The following GLI2 variants were observed in gnomAD, a reference collection of about 807,000 sequenced individuals.
The protein encoded by GLI2 is GLI family zinc finger 2.
Under a neutral mutation model 78.9 loss-of-function variants are expected in GLI2, and 22 were observed. The ratio of observed to expected loss-of-function variants is 0.28; its 90% confidence interval spans 0.20 to 0.40. The LOEUF is 0.40. GLI2 is among the 10% of genes least tolerant of loss of function. The pLI is 1.00. For missense variants in GLI2, 2,097 were observed against 2,213.2 expected, an observed-to-expected ratio of 0.95 and a Z score of 1.05; for synonymous variants, 974 against 963.7, an observed-to-expected ratio of 1.01 and a Z score of -0.20.
chr2:120,869,938 T>G (rs1350583112), intron 2 of GLI2, among the ~76,000 whole-genome samples: 1 of 152,150 alleles, frequency 6.6e-6, no homozygotes, highest in Non-Finnish European at 1.5e-5. Flanking sequence ...GCTGCAGAGC[T>G]CTCACCAGTA....
At chr2:120,987,886 A>G (rs904971889) in intron 13 of GLI2, among the ~76,000 whole-genome samples, 1 of 152,216 alleles carries the variant, frequency 6.6e-6, no homozygotes, top group Non-Finnish European at 1.5e-5. Flanking sequence ...CTTAGCAATA[A>G]GTGCCACCAT....
At chr2:120,906,473 G>A (rs920038326) in intron 2 of GLI2, among the ~76,000 whole-genome samples, 1 of 152,102 alleles carries the variant, frequency 6.6e-6, no homozygotes, top group Non-Finnish European at 1.5e-5. Flanking sequence ...AAGGGGCCAG[G>A]TGAGCACCGG....
At chr2:120,818,151 G>A (rs1685590390) in intron 2 of GLI2, among the ~76,000 whole-genome samples, 1 of 152,210 alleles carries the variant, frequency 6.6e-6, no homozygotes, top group Non-Finnish European at 1.5e-5. Flanking sequence ...GCAGAGAGGT[G>A]GTGGGAGGAG....
intron 3 of GLI2, among the ~76,000 whole-genome samples, chr2:120,935,705 T>C (rs1680165109): frequency 6.6e-6 from 1 of 152,172 alleles, no homozygotes; most frequent in Admixed American, 6.5e-5. Context: ...TACTGGGCAT[T>C]TTGACCCCCC....
At chr2:120,823,096 C>T (rs1007787983) in intron 2 of GLI2, among the ~76,000 whole-genome samples, 1 of 152,100 alleles carries the variant, frequency 6.6e-6, no homozygotes, top group South Asian at 2.1e-4. Context: ...CGCCACCCGG[C>T]TGTGTGTTTC....
At chr2:120,933,372 C>G (rs17005419) in intron 3 of GLI2, among the ~76,000 whole-genome samples, 5,512 of 152,256 alleles carry the variant, frequency 0.036, 300 homozygotes, top group African/African-American at 0.12. Context: ...TGTCTTTGGG[C>G]TGTGCAAACC....
At chr2:120,766,877 C>A (rs1170350660) in intron 1 of GLI2, among the ~76,000 whole-genome samples, 2 of 152,130 alleles carry the variant, frequency 1.3e-5, no homozygotes, top group Non-Finnish European at 2.9e-5. Context: ...GTACTTAGGG[C>A]AGTTCGCTAT....
chr2:120,769,536 C>T (rs1319351884), intron 1 of GLI2, among the ~76,000 whole-genome samples: 1 of 152,196 alleles, frequency 6.6e-6, no homozygotes, highest in Admixed American at 6.5e-5. Context: ...TCCATGCTCA[C>T]CCTAGGTGAC....
intron 3 of GLI2, among the ~76,000 whole-genome samples, chr2:120,937,218 G>A (rs1035144989): frequency 1.3e-5 from 2 of 152,174 alleles, no homozygotes; most frequent in Non-Finnish European, 2.9e-5. Context: ...CTGGGGATAC[G>A]GGCCCAAGGA....
chr2:120,978,019 G>C (rs1426426960), intron 9 of GLI2, among the ~76,000 whole-genome samples: 1 of 152,226 alleles, frequency 6.6e-6, no homozygotes, highest in Non-Finnish European at 1.5e-5. Flanking sequence ...GCCTCGCTGC[G>C]GTTAGTGCCT....
chr2:120,887,734 G>A (rs1270736915), intron 2 of GLI2, among the ~76,000 whole-genome samples: 2 of 152,234 alleles, frequency 1.3e-5, no homozygotes, highest in African/African-American at 2.4e-5. Context: ...TCACTTGATG[G>A]ATTGTCAGGG....
chr2:120,986,160 C>T (rs1458373878), intron 12 of GLI2, 118 bp from the exon 13 acceptor site: 1 of 874,768 alleles, frequency 1.1e-6, no homozygotes, highest in Non-Finnish European at 1.9e-6. Flanking sequence ...CAGCTTCCTT[C>T]CCTCACCCTC....
At chr2:120,835,189 T>G (rs531196046) in intron 2 of GLI2, among the ~76,000 whole-genome samples, 6 of 152,158 alleles carry the variant, frequency 3.9e-5, no homozygotes, top group Non-Finnish European at 7.3e-5. Context: ...ATTGCTGTAC[T>G]CATTTGATAG....
chr2:120,820,129 A>T (rs1558814663), intron 2 of GLI2, among the ~76,000 whole-genome samples: 1 of 152,098 alleles, frequency 6.6e-6, no homozygotes, highest in Non-Finnish European at 1.5e-5. Context: ...AAGGCAAGTG[A>T]AGGAAAGGTC....
Position 120,816,282 on chromosome 2 carries a change from G to A in GLI2, c.148+18814G>A, listed in dbSNP as rs1383903269. On this transcript the variant is annotated intron_variant, in intron 2 of 13. Coordinates refer to ENST00000361492, the MANE Select transcript of GLI2 (RefSeq NM_001374353.1). ...GCGATCTCAGTTCACTGCAACCTCC[G>A]CCTCCCGGGTTCAGGTGATTCTCCT... is the stretch of plus-strand genomic sequence containing the variant. Among the ~76,000 whole-genome samples, 3 of 146,088 alleles carry A rather than the reference G, an allele frequency of 2.1e-5. No individual in the cohort carries two copies. In the Admixed American group the frequency reaches 2.1e-4, roughly 10 times the overall value.
chr2:120,851,812 A>T (rs1414392584), intron 2 of GLI2, among the ~76,000 whole-genome samples: 1 of 152,188 alleles, frequency 6.6e-6, no homozygotes, highest in Non-Finnish European at 1.5e-5. Flanking sequence ...TTTGAGGGAG[A>T]GGTGCTATGA....
intron 2 of GLI2, among the ~76,000 whole-genome samples, chr2:120,923,864 A>T (rs1679529995): frequency 1.3e-5 from 2 of 151,638 alleles, no homozygotes; most frequent in African/African-American, 2.4e-5. Flanking sequence ...ACGTACATAC[A>T]CACACACACA....
chr2:120,875,238 G>A (rs1463360067), intron 2 of GLI2, among the ~76,000 whole-genome samples: 2 of 152,254 alleles, frequency 1.3e-5, no homozygotes, highest in Non-Finnish European at 2.9e-5. Flanking sequence ...GAGTTAGGCT[G>A]ACTCAGTGTC....
intron 3 of GLI2, among the ~76,000 whole-genome samples, chr2:120,942,644 C>G (rs1288995137): frequency 1.3e-5 from 2 of 152,226 alleles, no homozygotes; most frequent in African/African-American, 4.8e-5. Flanking sequence ...TGCCTTCCCT[C>G]TGCTCCTCAC....
Sources: allele counts gnomAD v4.1 joint callset (sites outside exome capture counted in the v4.1 genomes callset), GRCh38; gene constraint gnomAD v4.1.1; transcripts MANE v1.5; gene names NCBI Gene and HGNC (gene_info 2026-07-23, HGNC 2026-07-21).